Variants in SLC7A7 observed in about 807,000 individuals in gnomAD.
SLC7A7 encodes Y+L amino acid transporter 1.
Under a neutral mutation model 47.9 loss-of-function variants are expected in SLC7A7, and 39 were observed. The observed-to-expected ratio is 0.81, with a 90% confidence interval of 0.63 to 1.06. The LOEUF (loss-of-function observed/expected upper bound fraction) is 1.06, where lower values mean the gene tolerates loss of function less well. Among genes scored for constraint, SLC7A7 ranks in the 50% least tolerant of loss-of-function variants. The pLI is 0.00. For missense variants in SLC7A7, 588 were observed against 632.0 expected, an observed-to-expected ratio of 0.93 and a Z score of 0.75; for synonymous variants, 234 against 242.8, an observed-to-expected ratio of 0.96 and a Z score of 0.34.
At chr14:22,813,583 A>G (rs1164626953) in intron 1 of SLC7A7, 143 bp from the exon 2 acceptor site, 1 of 669,006 alleles carries the variant, frequency 1.5e-6, no homozygotes, top group Non-Finnish European at 2.6e-6. Flanking sequence ...CTCACTCATC[A>G]AAACAACCCC....
chr14:22,795,457 CT>C (rs1566453933), intron 2 of SLC7A7, among the ~76,000 whole-genome samples: 7 of 73,850 alleles, frequency 9.5e-5, no homozygotes, highest in African/African-American at 2.2e-4. Context: ...CTATTCTTTT[CT>C]TTTCTTTTCT....
intron 2 of SLC7A7, among the ~76,000 whole-genome samples, chr14:22,786,470 T>C (rs979120978): frequency 2.6e-5 from 4 of 152,226 alleles, no homozygotes; most frequent in Non-Finnish European, 4.4e-5. Flanking sequence ...ATTTACTGCA[T>C]ATACTTCACT....
chr14:22,809,678 C>A (rs1000280760), intron 2 of SLC7A7, among the ~76,000 whole-genome samples: 1 of 151,850 alleles, frequency 6.6e-6, no homozygotes. Flanking sequence ...TTTCACGATC[C>A]GCCCATCTTA....
intron 2 of SLC7A7, among the ~76,000 whole-genome samples, chr14:22,786,012 A>C (rs1594954955): frequency 8.5e-6 from 1 of 117,680 alleles, no homozygotes; most frequent in Non-Finnish European, 1.8e-5. Context: ...ACAGAGCGAG[A>C]CTCTGTCTCA....
At chr14:22,804,034 G>A (rs2039159871) in intron 2 of SLC7A7, among the ~76,000 whole-genome samples, 1 of 152,060 alleles carries the variant, frequency 6.6e-6, no homozygotes, top group South Asian at 2.1e-4. Context: ...AGTTACTAGG[G>A]TATCAGGGAG....
rs763239348 is a variant in SLC7A7, at chr14:22,774,496, A to G, written c.1103T>C (p.Met368Thr). 78 of 1,614,184 alleles carry G rather than the reference A, an allele frequency of 4.8e-5. 2 individuals are homozygous for G. In the South Asian group the frequency reaches 7.7e-4, roughly 16 times the overall value. ...TTCCACGCACAAGTAGATCAATGCC[A>G]TGATACCCTGTAAGCGTGAGCCTAA... ...PVPSLLFNGI[M>T]ALIYLCVEDI... Residue 368 changes from methionine (M) to threonine (T), a missense_variant, in exon 8 of 10, where the codon ATG becomes ACG. Coordinates refer to ENST00000674313, the MANE Select transcript of SLC7A7 (RefSeq NM_003982.4).
Position 22,773,489 on chromosome 14 carries a change from C to A in SLC7A7, c.*121G>T, listed in dbSNP as rs2038515911. 1.2e-6 allele frequency: 1 copy of A among 805,040 alleles called. No individual in the cohort carries two copies. Among genetic ancestry groups the A allele is most frequent in the Admixed American group, 2.0e-5 (1 of 50,812 alleles). The allele number at this position is 805,040 out of a possible 1,614,324, so 49.9% of individuals were successfully genotyped here. A position where few individuals can be genotyped will look rare whatever the true frequency, so the allele number is the denominator to read the frequency against. On this transcript the variant is annotated 3_prime_UTR_variant, in exon 10 of 10. Transcript: ENST00000674313. The stretch of plus-strand genomic sequence containing the variant: ...CAAAAAGTAAGTTCAAAGGTTGAAG[C>A]TGCCTAGGCCAGGCTTCTGGACAGG...
At position 22,813,337 on chromosome 14, in the gene SLC7A7, C is replaced by T. The variant is rs1339521776; in HGVS notation, c.62G>A (p.Gly21Asp). The T allele has an allele frequency of 1.2e-6, 2 of 1,614,096 alleles. No homozygotes were observed. Among genetic ancestry groups the T allele is most frequent in the East Asian group, 2.2e-5 (1 of 44,880 alleles). Residue 21 changes from glycine (G) to aspartate (D), a missense_variant, in exon 2 of 10, where the codon GGT becomes GAT. Physicochemically the swap from Gly to Asp is moderately conservative, Grantham distance 94. Transcript: ENST00000674313. ...CTCCGGCCCTGGGCTGGCCCCATCACCCAAAGGGGAGGTTTCCACCTCAGG... is the reference window on the plus strand; with the variant it reads ...CTCCGGCCCTGGGCTGGCCCCATCATCCAAAGGGGAGGTTTCCACCTCAGG... ...SQPEVETSPL[G>D]DGASPGPEQV... is the part of the protein sequence containing the mutation.
intron 2 of SLC7A7, among the ~76,000 whole-genome samples, chr14:22,807,850 T>C (rs2039239012): frequency 6.6e-6 from 1 of 152,162 alleles, no homozygotes; most frequent in African/African-American, 2.4e-5. Context: ...TAAGCTATCC[T>C]CCCCTACAAA....
chr14:22,789,309 G>A (rs1566449816), intron 2 of SLC7A7, among the ~76,000 whole-genome samples: 1 of 152,068 alleles, frequency 6.6e-6, no homozygotes, highest in Non-Finnish European at 1.5e-5. Flanking sequence ...ATATTGCATG[G>A]CAAGGGAGAA....
intron 2 of SLC7A7, among the ~76,000 whole-genome samples, chr14:22,791,865 C>T (rs956546895): frequency 1.8e-4 from 26 of 144,018 alleles, no homozygotes; most frequent in African/African-American, 5.5e-4. Flanking sequence ...GATGGAGTCT[C>T]GCTCTGTCGC....
chr14:22,784,401 C>CT, intron 2 of SLC7A7, among the ~76,000 whole-genome samples: 2 of 152,106 alleles, frequency 1.3e-5, no homozygotes, highest in South Asian at 2.1e-4. Context: ...GGACAGATCA[C>CT]GAGGTCAAGA....
At chr14:22,804,949 T>C (rs773034282) in intron 2 of SLC7A7, among the ~76,000 whole-genome samples, 25 of 152,244 alleles carry the variant, frequency 1.6e-4, no homozygotes, top group Admixed American at 1.2e-3. Context: ...GGAGGTTGCA[T>C]TGAGCCGAGA....
At chr14:22,802,168 C>T (rs1470437659) in intron 2 of SLC7A7, among the ~76,000 whole-genome samples, 2 of 152,088 alleles carry the variant, frequency 1.3e-5, no homozygotes, top group East Asian at 3.9e-4. Context: ...TTTGGGAGGC[C>T]GAGGCAGGCA....
At chr14:22,781,650 T>C (rs1319665742) in intron 2 of SLC7A7, among the ~76,000 whole-genome samples, 1 of 152,122 alleles carries the variant, frequency 6.6e-6, no homozygotes, top group East Asian at 1.9e-4. Flanking sequence ...CTTTCAAATC[T>C]GTCACTCCTC....
intron 2 of SLC7A7, among the ~76,000 whole-genome samples, chr14:22,780,921 C>T (rs150320651): frequency 3.3e-5 from 5 of 152,250 alleles, no homozygotes; most frequent in Non-Finnish European, 5.9e-5. Context: ...TTACAATCTA[C>T]GACTTGAATT....
intron 2 of SLC7A7, among the ~76,000 whole-genome samples, chr14:22,810,307 A>T (rs1471126000): frequency 3.3e-5 from 5 of 151,194 alleles, no homozygotes; most frequent in African/African-American, 1.2e-4. Context: ...TCTACTAAAA[A>T]TACAAAATTA....
At chr14:22,789,207 C>T (rs1300260280) in intron 2 of SLC7A7, among the ~76,000 whole-genome samples, 3 of 152,152 alleles carry the variant, frequency 2.0e-5, no homozygotes, top group African/African-American at 2.4e-5. Flanking sequence ...CATCCACCTC[C>T]GGTGGAAAGC....
intron 2 of SLC7A7, among the ~76,000 whole-genome samples, chr14:22,793,153 G>A (rs898994825): frequency 2.0e-5 from 3 of 151,864 alleles, no homozygotes; most frequent in Non-Finnish European, 4.4e-5. Context: ...TCCTGACCTC[G>A]TAATCCGCCC....
Sources: gnomAD v4.1 joint callset for allele counts (sites outside exome capture counted in the v4.1 genomes callset) on GRCh38, gnomAD v4.1.1 for gene constraint, MANE v1.5 for transcripts, NCBI Gene and HGNC (gene_info 2026-07-23, HGNC 2026-07-21) for gene names.